The following GPC6 variants were observed in gnomAD, a reference collection of about 807,000 sequenced individuals.
GPC6 encodes the protein glypican-6.
GPC6 carries 14 observed loss-of-function variants against 55.2 expected under a neutral mutation model. That is an observed-to-expected ratio of 0.25 (90% confidence interval 0.17 to 0.40). GPC6 has a LOEUF of 0.40. Among genes scored for constraint, GPC6 ranks in the 10% least tolerant of loss-of-function variants. GPC6 has a pLI of 1.00. For synonymous variants in GPC6, 278 were observed against 259.6 expected (o/e 1.07, Z -0.68); for missense variants, 641 against 708.5 (o/e 0.90, Z 1.08).
chr13:93,346,181 A>C (rs1223812364), intron 1 of GPC6, among the ~76,000 whole-genome samples: 2 of 152,160 alleles, frequency 1.3e-5, no homozygotes, highest in Non-Finnish European at 2.9e-5. Flanking sequence ...TTTAAAGAGA[A>C]GGTGAAGGGT....
intron 2 of GPC6, among the ~76,000 whole-genome samples, chr13:93,713,088 T>C (rs757787634): frequency 3.3e-5 from 5 of 151,604 alleles, no homozygotes; most frequent in Non-Finnish European, 5.9e-5. Context: ...GGATGGCTCT[T>C]TGATTAAACA....
chr13:93,618,901 G>T (rs1049303273), intron 2 of GPC6, among the ~76,000 whole-genome samples: 1 of 152,100 alleles, frequency 6.6e-6, no homozygotes, highest in Non-Finnish European at 1.5e-5. Flanking sequence ...ACATCGTTGA[G>T]TATACATCTA....
rs76753007 is a variant in GPC6 at position 94,109,352 on chromosome 13, G to A, written c.877+81458G>A. Reference sequence around the variant, plus strand: ...TCTATCACTTGTTATTATTATCATGGAGACTAATCATAAACTGATTTATGG... The same window carrying A: ...TCTATCACTTGTTATTATTATCATGAAGACTAATCATAAACTGATTTATGG... On this transcript the variant is annotated intron_variant, in intron 4 of 8. Transcript: ENST00000377047. Among the ~76,000 whole-genome samples the A allele has an allele frequency of 2.7e-3, 412 of 152,118 alleles. 1 individual carries two copies. The highest frequency in any genetic ancestry group is 9.7e-3 in the African/African-American group (401 of 41,504).
chr13:94,217,478 T>C (rs1004368187), intron 4 of GPC6, among the ~76,000 whole-genome samples: 5 of 152,146 alleles, frequency 3.3e-5, no homozygotes, highest in African/African-American at 1.2e-4. Flanking sequence ...CCATGGTGAA[T>C]CCTGGAATGC....
rs999846438 is a variant in GPC6, at chr13:93,681,950, CT to C, written c.319+136536del. Among the ~76,000 whole-genome samples, 11 of 152,054 alleles carry C rather than the reference CT, an allele frequency of 7.2e-5. No individual in the cohort carries two copies. In the East Asian group the frequency reaches 1.2e-3, roughly 16 times the overall value. On this transcript the variant is annotated intron_variant, in intron 2 of 8. Transcript: ENST00000377047. ...TTCTTTGAGTTTAACTTTTAGTACC[CT>C]TTTTTTGACAGCTGCTTAATTGTAT...
intron 2 of GPC6, among the ~76,000 whole-genome samples, chr13:93,766,720 G>A (rs1365834484): frequency 1.3e-5 from 2 of 151,946 alleles, no homozygotes; most frequent in Non-Finnish European, 2.9e-5. Flanking sequence ...TTCTCCATAA[G>A]CATTATTACC....
chr13:93,463,849 T>C (rs933833957), intron 1 of GPC6, among the ~76,000 whole-genome samples: 2 of 152,160 alleles, frequency 1.3e-5, no homozygotes, highest in African/African-American at 2.4e-5. Flanking sequence ...TTGATTTATT[T>C]TCCACCCTGC....
chr13:94,375,735 GAC>G lies in GPC6; in HGVS notation c.1153-6675_1153-6674del, dbSNP rs1223913451. On this transcript the variant is annotated intron_variant, in intron 6 of 8. Coordinates refer to ENST00000377047, the MANE Select transcript of GPC6 (RefSeq NM_005708.5). ...CATTCTGATACCAAAGCCAGGCAGA[GAC>G]ACAACAAAAAAAGAGAATTTTAGAC... is the stretch of plus-strand genomic sequence containing the variant. Among the ~76,000 whole-genome samples the G allele has an allele frequency of 7.1e-5, 9 of 126,038 alleles. No individual in the cohort carries two copies. In the Admixed American group the frequency reaches 7.4e-4, roughly 10 times the overall value. The allele number at this position is 126,038 out of a possible 152,430, so 82.7% of individuals were successfully genotyped here.
At chr13:94,388,605 A>G (rs890480760) in intron 7 of GPC6, among the ~76,000 whole-genome samples, 1 of 152,258 alleles carries the variant, frequency 6.6e-6, no homozygotes, top group African/African-American at 2.4e-5. Context: ...AGCTCAAAAA[A>G]TACCACAGAT....
At chr13:94,383,820 G>A (rs894215222) in intron 7 of GPC6, among the ~76,000 whole-genome samples, 21 of 152,180 alleles carry the variant, frequency 1.4e-4, no homozygotes, top group African/African-American at 4.3e-4. Context: ...TAGCTGGGGA[G>A]GCCTCAGGAA....
At chr13:93,931,456 T>C (rs1308524588) in intron 3 of GPC6, among the ~76,000 whole-genome samples, 2 of 128,980 alleles carry the variant, frequency 1.6e-5, no homozygotes, top group Non-Finnish European at 3.3e-5. Flanking sequence ...AAAAAAAAAA[T>C]TGTAAAAGAT....
At chr13:93,989,527 C>A (rs1356306303) in intron 3 of GPC6, among the ~76,000 whole-genome samples, 2 of 152,156 alleles carry the variant, frequency 1.3e-5, no homozygotes, top group Non-Finnish European at 2.9e-5. Flanking sequence ...CTTTCTAGAA[C>A]ACAGTTTTTA....
At chr13:94,292,347 A>T (rs1054902431) in intron 5 of GPC6, among the ~76,000 whole-genome samples, 1 of 152,204 alleles carries the variant, frequency 6.6e-6, no homozygotes, top group African/African-American at 2.4e-5. Context: ...GAATAGATTA[A>T]GTATTAGGAG....
intron 6 of GPC6, among the ~76,000 whole-genome samples, chr13:94,339,054 T>C (rs1877879922): frequency 6.6e-6 from 1 of 151,592 alleles, no homozygotes; most frequent in Non-Finnish European, 1.5e-5. Flanking sequence ...AGGAGTGTTA[T>C]TTTAGGAGTT....
intron 4 of GPC6, among the ~76,000 whole-genome samples, chr13:94,095,628 G>T: frequency 6.6e-6 from 1 of 152,274 alleles, no homozygotes. Flanking sequence ...GCTACTGACT[G>T]ACTTGTTGAA....
intron 2 of GPC6, among the ~76,000 whole-genome samples, chr13:93,820,582 C>A (rs1594486052): frequency 6.7e-6 from 1 of 149,470 alleles, no homozygotes; most frequent in Admixed American, 6.7e-5. Flanking sequence ...GTTTAAATTT[C>A]TATTTTTATT....
At chr13:93,733,472 G>A (rs1050164106) in intron 2 of GPC6, among the ~76,000 whole-genome samples, 2 of 151,288 alleles carry the variant, frequency 1.3e-5, no homozygotes, top group Non-Finnish European at 2.9e-5. Context: ...CTTAAGCCAA[G>A]TGTGAAATAG....
rs540228419 is a variant in GPC6, at chr13:94,211,484, T to A, written c.878-74865T>A. 3.3e-5 allele frequency among the ~76,000 whole-genome samples: 5 copies of A among 152,282 alleles called. No individual in the cohort carries two copies. The East Asian group carries it at 9.6e-4, about 29-fold the overall frequency. ...GGTTATTTTTGTCAATTATGAGTAA[T>A]AAAAAATAAGTTTATTTAAGGTATA... On this transcript the variant is annotated intron_variant, in intron 4 of 8. Transcript: ENST00000377047.
intron 2 of GPC6, among the ~76,000 whole-genome samples, chr13:93,653,637 TAAAA>T (rs548335516): frequency 1.9e-5 from 1 of 52,946 alleles, no homozygotes; most frequent in African/African-American, 4.3e-5. Context: ...ATTTTAAACT[TAAAA>T]AAAATATATA....
Sources: gnomAD v4.1 joint callset for allele counts (sites outside exome capture counted in the v4.1 genomes callset) on GRCh38, gnomAD v4.1.1 for gene constraint, MANE v1.5 for transcripts, NCBI Gene and HGNC (gene_info 2026-07-23, HGNC 2026-07-21) for gene names.